Variants in CRYL1 observed in about 807,000 individuals in gnomAD.
The protein encoded by CRYL1 is lambda-crystallin homolog.
CRYL1 carries 29 observed loss-of-function variants against 36.6 expected under a neutral mutation model. That is an observed-to-expected ratio of 0.79 (90% CI 0.59 to 1.08). The LOEUF (loss-of-function observed/expected upper bound fraction) is 1.08, where lower values mean the gene tolerates loss of function less well. Among genes scored for constraint, CRYL1 ranks in the 50% least tolerant of loss-of-function variants. CRYL1 has a pLI of 0.00. For synonymous variants in CRYL1, 152 were observed against 151.5 expected, an observed-to-expected ratio of 1.00 and a Z score of -0.02; for missense variants, 411 against 407.9, an observed-to-expected ratio of 1.01 and a Z score of -0.06.
intron 2 of CRYL1, among the ~76,000 whole-genome samples, chr13:20,507,127 A>G (rs2033808183): frequency 6.6e-6 from 1 of 152,168 alleles, no homozygotes; most frequent in South Asian, 2.1e-4. Flanking sequence ...GTGAACTATG[A>G]CTCCATTAAA....
intron 2 of CRYL1, among the ~76,000 whole-genome samples, chr13:20,498,867 T>C (rs944751987): frequency 2.6e-5 from 4 of 152,234 alleles, no homozygotes; most frequent in South Asian, 4.1e-4. Context: ...ATGACTGTTT[T>C]ATAGTGACTT....
intron 1 of CRYL1, among the ~76,000 whole-genome samples, chr13:20,517,801 T>G (rs944231092): frequency 6.6e-6 from 1 of 150,748 alleles, no homozygotes; most frequent in Non-Finnish European, 1.5e-5. Context: ...CCGGGCATGG[T>G]GGCGGATGCC....
intron 3 of CRYL1, among the ~76,000 whole-genome samples, chr13:20,486,648 C>T (rs2033406647): frequency 6.6e-6 from 1 of 152,176 alleles, no homozygotes; most frequent in South Asian, 2.1e-4. Context: ...CATCATCTTT[C>T]TCTAGTTTCC....
chr13:20,454,440 G>A (rs1156421447), intron 3 of CRYL1, among the ~76,000 whole-genome samples: 1 of 144,464 alleles, frequency 6.9e-6, no homozygotes, highest in African/African-American at 2.6e-5. Context: ...TTTTTGAGAT[G>A]GAGTCTTGCT....
chr13:20,425,879 G>T lies in CRYL1; in HGVS notation c.633+6223C>A, dbSNP rs975341438. On this transcript the variant is annotated intron_variant, in intron 5 of 7. Coordinates refer to ENST00000298248, the MANE Select transcript of CRYL1 (RefSeq NM_015974.3). The surrounding 1 kb of genome is among the most constrained non-coding windows in gnomAD (Gnocchi z 4.4). ...GGCCCCAGTACACAGAGGCCCCACT[G>T]TACAGTCGGCAGGCAGGATACACCC... Among the ~76,000 whole-genome samples the T allele has an allele frequency of 3.3e-5, 5 of 152,116 alleles. No homozygotes were observed. The highest frequency in any genetic ancestry group is 2.6e-4 in the Admixed American group (4 of 15,272).
intron 2 of CRYL1, among the ~76,000 whole-genome samples, chr13:20,500,207 T>A (rs1424826522): frequency 1.3e-5 from 2 of 152,242 alleles, no homozygotes; most frequent in East Asian, 3.8e-4. Flanking sequence ...TCTTTTTGTT[T>A]TTCAGAGTCT....
chr13:20,508,885 A>AC (rs2033860021), intron 2 of CRYL1, among the ~76,000 whole-genome samples: 1 of 130,430 alleles, frequency 7.7e-6, no homozygotes, highest in African/African-American at 2.8e-5. Context: ...ACAAAAAAAA[A>AC]AAACTGACAA....
intron 3 of CRYL1, among the ~76,000 whole-genome samples, chr13:20,483,137 A>G (rs1438010313): frequency 6.6e-6 from 1 of 152,158 alleles, no homozygotes. Flanking sequence ...ATAATACAGT[A>G]GGGAAATTAG....
intron 3 of CRYL1, among the ~76,000 whole-genome samples, chr13:20,442,010 A>G (rs1399532778): frequency 6.6e-6 from 1 of 152,254 alleles, no homozygotes; most frequent in Non-Finnish European, 1.5e-5. Context: ...AAAGAGCTAC[A>G]GTAGCTGGCT....
intron 5 of CRYL1, among the ~76,000 whole-genome samples, chr13:20,422,472 C>T (rs993347049): frequency 6.6e-6 from 1 of 152,088 alleles, no homozygotes; most frequent in African/African-American, 2.4e-5. Flanking sequence ...CGAACATCTG[C>T]ACTACTCTAG....
chr13:20,418,396 A>AC (rs1172648786), intron 5 of CRYL1: 1 of 152,120 alleles, frequency 6.6e-6, no homozygotes, highest in African/African-American at 2.4e-5. Flanking sequence ...TGTGGTACTT[A>AC]CTCTGGTCCT....
At chr13:20,404,609 C>A (rs757833199) in intron 7 of CRYL1, 26 bp downstream of exon 7, 22 of 1,468,774 alleles carry the variant, frequency 1.5e-5, no homozygotes, top group Admixed American at 5.0e-5. Context: ...TGCTTCTCTG[C>A]AGTGAGTTGC....
Position 20,439,514 on chromosome 13 carries a change from C to CAAAAAAAAAAAAAAAAAAAAAAAA in CRYL1, c.438+78_438+79insTTTTTTTTTTTTTTTTTTTTTTTT, listed in dbSNP as rs56087130. ...ACAAGTTATTGACCCCCCTCCCCCG[C>CAAAAAAAAAAAAAAAAAAAAAAAA]AAAAAAAAAAAAAAAAGAAAAAAAA... On this transcript the variant is annotated intron_variant, in intron 4 of 7. Transcript: ENST00000298248. The CAAAAAAAAAAAAAAAAAAAAAAAA allele has an allele frequency of 4.1e-4, 137 of 331,792 alleles. 7 individuals carry two copies. Among genetic ancestry groups the CAAAAAAAAAAAAAAAAAAAAAAAA allele is most frequent in the East Asian group, 1.4e-3 (17 of 11,862 alleles). 20.6% of individuals were successfully genotyped at this position (331,792 alleles called of 1,614,324 possible).
At chr13:20,440,029 C>T (rs1273611141) in intron 3 of CRYL1, 6 of 317,188 alleles carry the variant, frequency 1.9e-5, no homozygotes, top group Non-Finnish European at 2.9e-5. Context: ...CCAGAGGTGC[C>T]CTCCCTACAC....
rs989451669 is a variant in CRYL1, at chr13:20,463,820, T to C, written c.277-24066A>G. Reference sequence around the variant, plus strand: ...ATAAAATGACACATTTTGGACAATATGACATTATTCGAAGATGTAGTAGTA... The same window carrying C: ...ATAAAATGACACATTTTGGACAATACGACATTATTCGAAGATGTAGTAGTA... On this transcript the variant is annotated intron_variant, in intron 3 of 7. Transcript: ENST00000298248. Among the ~76,000 whole-genome samples the C allele has an allele frequency of 3.9e-5, 6 of 152,296 alleles. No individual in the cohort carries two copies. The Middle Eastern group carries it at 0.01, about 259-fold the overall frequency.
rs1024905214 is a variant in CRYL1 at position 20,435,379 on chromosome 13, C to T, written c.439-3083G>A. Among the ~76,000 whole-genome samples the T allele has an allele frequency of 6.6e-6, 1 of 152,004 alleles. No homozygotes were observed. The highest frequency in any genetic ancestry group is 1.5e-5 in the Non-Finnish European group (1 of 67,986). Reference sequence around the variant, plus strand: ...CAGCGACTGGGCCCCACGCAGCCCCCCAAAACAGACTTCCATTCACACCGA... The same window carrying T: ...CAGCGACTGGGCCCCACGCAGCCCCTCAAAACAGACTTCCATTCACACCGA... On this transcript the variant is annotated intron_variant, in intron 4 of 7. Transcript: ENST00000298248. The surrounding 1 kb of genome is among the most constrained non-coding windows in gnomAD (Gnocchi z 4.0).
chr13:20,410,979 G>A (rs1414540254), intron 6 of CRYL1, among the ~76,000 whole-genome samples: 8 of 152,324 alleles, frequency 5.3e-5, no homozygotes, highest in Admixed American at 3.9e-4. Context: ...GCAATGGCAC[G>A]CTGGCCTCCT....
chr13:20,406,913 C>T (rs532748028), intron 6 of CRYL1, among the ~76,000 whole-genome samples: 3 of 151,812 alleles, frequency 2.0e-5, no homozygotes, highest in South Asian at 2.1e-4. Context: ...GTTCAGTTCA[C>T]GCAGCACTTG....
At chr13:20,420,750 T>TGTGTG (rs2031789297) in intron 5 of CRYL1, among the ~76,000 whole-genome samples, 5 of 129,408 alleles carry the variant, frequency 3.9e-5, no homozygotes, top group Non-Finnish European at 8.1e-5. Context: ...TGTGTGTGTG[T>TGTGTG]TTTGAGACAG....
Sources: allele counts gnomAD v4.1 joint callset (sites outside exome capture counted in the v4.1 genomes callset), GRCh38; gene constraint gnomAD v4.1.1; non-coding constraint Gnocchi (gnomAD v3.1); transcripts MANE v1.5; gene names NCBI Gene and HGNC (gene_info 2026-07-23, HGNC 2026-07-21).